Variants in COL9A3 observed in about 807,000 individuals in gnomAD.
COL9A3 encodes collagen alpha-3(IX) chain.
In COL9A3, 82 loss-of-function variants were observed where a neutral mutation model predicts 110.2. That is an observed-to-expected ratio of 0.74 (90% CI 0.62 to 0.89). The LOEUF (loss-of-function observed/expected upper bound fraction) is 0.89, where lower values mean the gene tolerates loss of function less well. COL9A3 is among the 40% of genes least tolerant of loss of function. COL9A3 has a pLI of 0.00. For synonymous variants in COL9A3, 494 were observed against 403.8 expected (o/e 1.22, Z -2.68); for missense variants, 1,066 against 981.3 (o/e 1.09, Z -1.15).
At position 62,830,821 on chromosome 20, in the gene COL9A3, A is replaced by AG. The variant is rs548247159; in HGVS notation, c.1287+236dup. 4.4e-4 allele frequency among the ~76,000 whole-genome samples: 39 copies of AG among 89,626 alleles called. 3 individuals are homozygous for AG. The South Asian group carries it at 0.018, about 42-fold the overall frequency. The allele number at this position is 89,626 out of a possible 152,430, so 58.8% of individuals were successfully genotyped here. ...CACCACAGTCCCCTGGGACGCAGAC[A>AG]GGGAGAGGCCCTTGCAGCTCCCAGT... On this transcript the variant is annotated intron_variant, in intron 24 of 31. Coordinates refer to ENST00000649368, the MANE Select transcript of COL9A3 (RefSeq NM_001853.4).
chr20:62,840,457 G>A, intron 31 of COL9A3, 85 bp from the exon 32 acceptor site: 1 of 1,266,040 alleles, frequency 7.9e-7, no homozygotes, highest in Non-Finnish European at 1.2e-6. Context: ...AGATGGAAGA[G>A]CAGGGCTTGC....
At chr20:62,828,392 C>T (rs1449798521) in intron 17 of COL9A3, among the ~76,000 whole-genome samples, 2 of 152,238 alleles carry the variant, frequency 1.3e-5, no homozygotes, top group Non-Finnish European at 2.9e-5. Flanking sequence ...CAGCAGTTGG[C>T]TGTGTCCTGA....
At chr20:62,824,180 G>A (rs13036741) in intron 10 of COL9A3, among the ~76,000 whole-genome samples, 1,086 of 95,966 alleles carry the variant, frequency 0.011, 109 homozygotes, top group Middle Eastern at 0.025. Context: ...AGAGTGTCCC[G>A]ACACCCGCGC....
chr20:62,836,305 C>G lies in COL9A3; in HGVS notation c.1520C>G (p.Pro507Arg). The G allele has an allele frequency of 6.2e-7, 1 of 1,613,858 alleles. No homozygotes were observed. The highest frequency in any genetic ancestry group is 8.5e-7 in the Non-Finnish European group (1 of 1,180,022). ...GGCCTGCAGGGCGTCCCGGGTGTTC[C>G]TGGCATCACGGGGAAGCCGGGAGTT... ...PLGLQGVPGV[P>R]GITGKPGVPG... The change falls in exon 28 of 32, where the codon CCT becomes CGT. Residue 507 changes from proline (P) to arginine (R), a missense_variant. Coordinates refer to ENST00000649368, the MANE Select transcript of COL9A3 (RefSeq NM_001853.4).
At chr20:62,837,060 C>T (rs771825100) in intron 29 of COL9A3, 23 bp from the exon 30 acceptor site, 74 of 1,611,442 alleles carry the variant, frequency 4.6e-5, no homozygotes, top group Non-Finnish European at 4.3e-5. Context: ...CGAGTAAACG[C>T]CTGCACCCTT....
upstream of COL9A3, chr20:62,816,925 C>G: frequency 2.7e-6 from 1 of 376,490 alleles, no homozygotes; most frequent in East Asian, 5.7e-5. Flanking sequence ...GTGGAAGCCC[C>G]CCCGCCCAGG....
At chr20:62,832,058 G>A in intron 24 of COL9A3, 96 bp from the exon 25 acceptor site, 1 of 1,183,574 alleles carries the variant, frequency 8.4e-7, no homozygotes, top group Non-Finnish European at 1.3e-6. Context: ...CACAGATGGA[G>A]ATGTGGGGAG....
Position 62,837,258 on chromosome 20 carries a change from G to A in COL9A3, c.1779G>A (p.Gly593=). The change falls in exon 30 of 32, where the codon GGG becomes GGA. Residue 593 remains glycine (G), a synonymous_variant. Transcript: ENST00000649368. ...RGPTGELGDP[G]PRGNQGDRGD... is the part of the protein sequence containing the mutation. ...CCACTGGGGAGCTGGGAGACCCCGGGCCCAGAGGTGAGTGTTTGACCCCAT... is the reference window on the plus strand; with the variant it reads ...CCACTGGGGAGCTGGGAGACCCCGGACCCAGAGGTGAGTGTTTGACCCCAT... The A allele has an allele frequency of 1.9e-6, 3 of 1,609,966 alleles. No homozygotes were observed. Among genetic ancestry groups the A allele is most frequent in the Non-Finnish European group, 2.5e-6 (3 of 1,179,780 alleles).
rs756357620 is a variant in COL9A3, at chr20:62,819,909, C to T, written c.256-20C>T. 2.2e-5 allele frequency: 35 copies of T among 1,612,608 alleles called. No homozygotes were observed. Among genetic ancestry groups the T allele is most frequent in the African/African-American group, 5.3e-5 (4 of 74,910 alleles). The stretch of plus-strand genomic sequence containing the variant: ...TGCTTCCCATGTGGCCCCTCGAGCT[C>T]GCCCTCTGCCTCTCCCCAGGGTCTG... On this transcript the variant is annotated intron_variant, in intron 4 of 31. Coordinates refer to ENST00000649368, the MANE Select transcript of COL9A3 (RefSeq NM_001853.4).
chr20:62,821,324 T>A, intron 6 of COL9A3, 108 bp downstream of exon 6: 1 of 1,363,240 alleles, frequency 7.3e-7, no homozygotes. Context: ...CCTGGCCCTC[T>A]CATCTGCAGC....
intron 19 of COL9A3, 149 bp downstream of exon 19, chr20:62,829,125 C>T: frequency 1.1e-6 from 1 of 895,614 alleles, no homozygotes; most frequent in South Asian, 1.6e-5. Flanking sequence ...GGCACAACCC[C>T]TGGTGCCCAG....
rs556200890 is a variant in COL9A3, at chr20:62,826,451, G to A, written c.738+194G>A. Among the ~76,000 whole-genome samples, 9 of 152,302 alleles carry A rather than the reference G, an allele frequency of 5.9e-5. 1 individual carries two copies. In the South Asian group the frequency reaches 1.9e-3, roughly 32 times the overall value. ...TGTGCCTGGGCGAGAGCTGACAGTC[G>A]GCGCTCACTGATGCCCGCACGCGGT... On this transcript the variant is annotated intron_variant, in intron 14 of 31. Coordinates refer to ENST00000649368, the MANE Select transcript of COL9A3 (RefSeq NM_001853.4).
intron 30 of COL9A3, among the ~76,000 whole-genome samples, chr20:62,838,008 T>C (rs947905141): frequency 1.3e-5 from 2 of 152,192 alleles, no homozygotes; most frequent in African/African-American, 2.4e-5. Flanking sequence ...AATGACGCAA[T>C]TAGAGGGATG....
intron 17 of COL9A3, 104 bp from the exon 18 acceptor site, chr20:62,828,660 C>T (rs2063572257): frequency 7.6e-7 from 1 of 1,309,998 alleles, no homozygotes. Context: ...TGGGGGCAGA[C>T]ACAGTTTTAG....
upstream of COL9A3, among the ~76,000 whole-genome samples, chr20:62,816,648 C>T (rs1466136005): frequency 3.3e-5 from 5 of 152,104 alleles, no homozygotes; most frequent in Admixed American, 1.3e-4. Context: ...TCCGCTCCGG[C>T]GCCTGGGGAG....
chr20:62,821,558 G>A, intron 7 of COL9A3, 28 bp downstream of exon 7: 2 of 1,612,766 alleles, frequency 1.2e-6, no homozygotes, highest in Non-Finnish European at 1.7e-6. Context: ...TTGGGGCCCT[G>A]AGCAAGCACG....
chr20:62,832,430 T>C (rs1465418326), intron 25 of COL9A3, among the ~76,000 whole-genome samples: 1 of 152,204 alleles, frequency 6.6e-6, no homozygotes, highest in Non-Finnish European at 1.5e-5. Context: ...CCTTCCTGGG[T>C]GCAAACAGCT....
At chr20:62,839,537 A>G (rs2063658402) in intron 31 of COL9A3, among the ~76,000 whole-genome samples, 1 of 152,072 alleles carries the variant, frequency 6.6e-6, no homozygotes, top group African/African-American at 2.4e-5. Flanking sequence ...TCCAGATGAG[A>G]AGGATCCCGA....
At chr20:62,822,280 C>G (rs1013336276) in intron 9 of COL9A3, 116 bp downstream of exon 9, 6 of 771,094 alleles carry the variant, frequency 7.8e-6, no homozygotes, top group Non-Finnish European at 1.4e-5. Context: ...CTAACCCTAA[C>G]TTGGCCACTC....
Sources: gnomAD v4.1 joint callset for allele counts (sites outside exome capture counted in the v4.1 genomes callset) on GRCh38, gnomAD v4.1.1 for gene constraint, MANE v1.5 for transcripts, NCBI Gene and HGNC (gene_info 2026-07-23, HGNC 2026-07-21) for gene names.